Variants in SPATA17 observed in about 807,000 individuals in gnomAD.
SPATA17 encodes spermatogenesis associated 17, also known as spermatogenesis-associated protein 17.
Under a neutral mutation model 62.2 loss-of-function variants are expected in SPATA17, and 53 were observed. The ratio of observed to expected loss-of-function variants is 0.85; its 90% CI spans 0.68 to 1.07. The LOEUF is 1.07. Ranked by LOEUF, SPATA17 falls within the 50% of genes least tolerant of loss-of-function variation. The pLI is 0.00. For missense variants in SPATA17, 466 were observed against 425.5 expected (o/e 1.10, Z -0.84); for synonymous variants, 146 against 146.8 (o/e 0.99, Z 0.04).
intron 9 of SPATA17, among the ~76,000 whole-genome samples, chr1:217,807,169 G>A (rs1255256464): frequency 1.3e-5 from 2 of 151,044 alleles, no homozygotes; most frequent in East Asian, 3.9e-4. Context: ...ATCAAATACT[G>A]CATGTTCTGA....
chr1:217,783,245 C>T (rs1444255952), intron 8 of SPATA17, among the ~76,000 whole-genome samples: 2 of 151,312 alleles, frequency 1.3e-5, no homozygotes, highest in Non-Finnish European at 3.0e-5. Flanking sequence ...TACCTCTTAT[C>T]CATTTTAGTG....
In SPATA17 at chr1:217,871,539, A is replaced by G. The variant is rs1676128968; in HGVS notation, c.*4520A>G. ...GCCTGGGAAGGAGCAGTATTGCTGGATCAGAATTCACTTTTTCCAAGTTAC... is the reference window on the plus strand; with the variant it reads ...GCCTGGGAAGGAGCAGTATTGCTGGGTCAGAATTCACTTTTTCCAAGTTAC... On this transcript the variant is annotated 3_prime_UTR_variant, in exon 11 of 11. Transcript: ENST00000366933. 6.6e-6 allele frequency: 1 copy of G among 152,160 alleles called. No homozygotes were observed. The highest frequency in any genetic ancestry group is 1.5e-5 in the Non-Finnish European group (1 of 68,032). 9.4% of individuals were successfully genotyped at this position (152,160 alleles called of 1,614,324 possible). A position where few individuals can be genotyped will look rare whatever the true frequency, so the allele number is the denominator to read the frequency against.
At chr1:217,814,517 G>A (rs767519352) in intron 9 of SPATA17, among the ~76,000 whole-genome samples, 8 of 152,062 alleles carry the variant, frequency 5.3e-5, no homozygotes, top group Non-Finnish European at 1.2e-4. Flanking sequence ...TAGTCCCAAT[G>A]TGATCCCTGA....
intron 5 of SPATA17, among the ~76,000 whole-genome samples, chr1:217,727,247 C>CAAAAATAAT (rs370247140): frequency 0.01 from 1,335 of 132,762 alleles, 26 homozygotes; most frequent in African/African-American, 0.036. Flanking sequence ...AACTCCGTCT[C>CAAAAATAAT]AATAATAATA....
intron 8 of SPATA17, among the ~76,000 whole-genome samples, chr1:217,793,471 C>T (rs538553256): frequency 1.3e-5 from 2 of 152,146 alleles, no homozygotes; most frequent in South Asian, 2.1e-4. Context: ...CCGCCCGCCT[C>T]GGCCTCCCAA....
At chr1:217,783,102 T>A (rs1363637623) in intron 8 of SPATA17, among the ~76,000 whole-genome samples, 1 of 150,780 alleles carries the variant, frequency 6.6e-6, no homozygotes, top group Non-Finnish European at 1.5e-5. Flanking sequence ...TGGTATACTA[T>A]AAATTATACA....
At chr1:217,684,643 T>G (rs1671174918) in intron 5 of SPATA17, among the ~76,000 whole-genome samples, 1 of 152,180 alleles carries the variant, frequency 6.6e-6, no homozygotes, top group Non-Finnish European at 1.5e-5. Context: ...CTTGAACTCC[T>G]GACCTCAGGT....
intron 5 of SPATA17, among the ~76,000 whole-genome samples, chr1:217,711,909 C>A (rs1192357135): frequency 6.6e-6 from 1 of 152,150 alleles, no homozygotes; most frequent in Non-Finnish European, 1.5e-5. Flanking sequence ...CCTTAGTACC[C>A]TACCATTCTC....
chr1:217,840,494 A>G (rs1231189547), intron 9 of SPATA17, among the ~76,000 whole-genome samples: 2 of 152,120 alleles, frequency 1.3e-5, no homozygotes, highest in Non-Finnish European at 2.9e-5. Context: ...CCATTACACT[A>G]TAGTATCTCA....
At chr1:217,797,088 G>T (rs1170489861) in intron 8 of SPATA17, among the ~76,000 whole-genome samples, 1 of 152,026 alleles carries the variant, frequency 6.6e-6, no homozygotes, top group Non-Finnish European at 1.5e-5. Context: ...CAAATAATTT[G>T]TATATTTCCA....
chr1:217,661,714 C>T (rs766796160), intron 3 of SPATA17, among the ~76,000 whole-genome samples: 1 of 152,174 alleles, frequency 6.6e-6, no homozygotes, highest in Non-Finnish European at 1.5e-5. Context: ...TGGGTCACAA[C>T]TGTGAAAATT....
chr1:217,697,492 C>T (rs1671486497), intron 5 of SPATA17, among the ~76,000 whole-genome samples: 2 of 152,120 alleles, frequency 1.3e-5, no homozygotes, highest in Admixed American at 1.3e-4. Flanking sequence ...AAATTTATTA[C>T]ATTATGATCA....
intron 9 of SPATA17, among the ~76,000 whole-genome samples, chr1:217,808,844 A>T (rs1674510662): frequency 6.8e-6 from 1 of 146,274 alleles, no homozygotes; most frequent in African/African-American, 2.5e-5. Context: ...ACAGAGCGAG[A>T]CTCTGTCTCA....
At chr1:217,777,263 T>G (rs898555146) in intron 7 of SPATA17, among the ~76,000 whole-genome samples, 2 of 152,174 alleles carry the variant, frequency 1.3e-5, no homozygotes, top group African/African-American at 4.8e-5. Context: ...TAACTGATAA[T>G]TAATACTATT....
chr1:217,631,420 A>G lies in SPATA17; in HGVS notation c.42A>G (p.Val14=). Residue 14 remains valine (V), a synonymous_variant, in exon 1 of 11, where the codon GTA becomes GTG. Coordinates refer to ENST00000366933, the MANE Select transcript of SPATA17 (RefSeq NM_138796.4). ...LARLQARSST[V]GNQYYFRNSV... The stretch of plus-strand genomic sequence containing the variant: ...GGCTGCAAGCTAGGTCGTCGACTGT[A>G]GGAAATCAGTACTACTTTAGGAACA... 1 of 1,614,200 alleles carries G rather than the reference A, an allele frequency of 6.2e-7. No individual in the cohort carries two copies. Among genetic ancestry groups the G allele is most frequent in the Non-Finnish European group, 8.5e-7 (1 of 1,180,030 alleles).
At chr1:217,662,111 G>A (rs924942209) in intron 3 of SPATA17, among the ~76,000 whole-genome samples, 2 of 152,014 alleles carry the variant, frequency 1.3e-5, no homozygotes, top group Non-Finnish European at 2.9e-5. Context: ...AAATTGGATG[G>A]CTTGTATACA....
At chr1:217,689,033 C>A (rs1433100156) in intron 5 of SPATA17, among the ~76,000 whole-genome samples, 2 of 151,980 alleles carry the variant, frequency 1.3e-5, no homozygotes, top group African/African-American at 2.4e-5. Flanking sequence ...AAGAATATTG[C>A]TTTTTTCTGT....
At chr1:217,767,928 A>C (rs1366436228) in intron 6 of SPATA17, among the ~76,000 whole-genome samples, 3 of 152,122 alleles carry the variant, frequency 2.0e-5, no homozygotes, top group African/African-American at 7.2e-5. Context: ...GGCTTGCTTC[A>C]GGCTTTTTTC....
intron 3 of SPATA17, among the ~76,000 whole-genome samples, chr1:217,661,983 A>C (rs1188257824): frequency 6.6e-6 from 1 of 152,150 alleles, no homozygotes. Context: ...GGGGAAATAA[A>C]AATAAGTCAT....
Sources: gnomAD v4.1 joint callset for allele counts (sites outside exome capture counted in the v4.1 genomes callset) on GRCh38, gnomAD v4.1.1 for gene constraint, MANE v1.5 for transcripts, NCBI Gene and HGNC (gene_info 2026-07-23, HGNC 2026-07-21) for gene names.